Variants in REV3L observed in about 807,000 individuals in gnomAD.
REV3L encodes the protein DNA polymerase zeta catalytic subunit.
A neutral mutation model predicts 299.4 loss-of-function variants in REV3L; 69 were observed. That is an observed-to-expected ratio of 0.23 (90% CI 0.19 to 0.28). The LOEUF is 0.28. Ranked by LOEUF, REV3L falls within the 10% of genes least tolerant of loss-of-function variation. REV3L has a pLI of 1.00. For synonymous variants in REV3L, 1,238 were observed against 1,271.4 expected (o/e 0.97, Z 0.56); for missense variants, 3,128 against 3,693.8 (o/e 0.85, Z 3.97).
Position 111,344,028 on chromosome 6 carries a change from A to C in REV3L, c.7435T>G (p.Tyr2479Asp). The change falls in exon 21 of 32, where the codon TAC (tyrosine) becomes GAC (aspartate). Residue 2479 changes from tyrosine to aspartate, a missense_variant. Transcript: ENST00000368802. ...TGAAAGCTCACATTTTCAAAGGTGT[A>C]GTTAGTTAGAGCCACCTAAAAAAAA... ...IMRNEVALTN[Y>D]TFENVSFHVL... is the part of the protein sequence containing the mutation. 3 of 1,605,622 alleles carry C rather than the reference A, an allele frequency of 1.9e-6. No individual in the cohort carries two copies. The Middle Eastern group carries it at 5.0e-4, about 266-fold the overall frequency.
In REV3L at chr6:111,372,761, G is replaced by A. The variant is rs1779926963; in HGVS notation, c.5594C>T (p.Ser1865Phe). Residue 1865 changes from serine (S) to phenylalanine (F), a missense_variant, in exon 13 of 32, where the codon TCT (serine) becomes TTT (phenylalanine). Physicochemically the swap from Ser to Phe is radical, Grantham distance 155. Coordinates refer to ENST00000368802, the MANE Select transcript of REV3L (RefSeq NM_001372078.1). ...SPRSTSSPSQ[S>F]KNGSFTPRTA... is the part of the protein sequence containing the mutation. The stretch of plus-strand genomic sequence containing the variant: ...TCGAGGGGTGAAGCTGCCATTTTTA[G>A]ATTGTGAAGGAGAGCTAGTAGATCT... 1 of 1,612,420 alleles carries A rather than the reference G, an allele frequency of 6.2e-7. No individual in the cohort carries two copies. The highest frequency in any genetic ancestry group is 1.3e-5 in the African/African-American group (1 of 74,880).
At position 111,367,542 on chromosome 6, in the gene REV3L, CG is replaced by C; in HGVS notation, c.6245del (p.Thr2082ArgfsTer43). 1 of 1,613,150 alleles carries C rather than the reference CG, an allele frequency of 6.2e-7. No individual in the cohort carries two copies. Among genetic ancestry groups the C allele is most frequent in the South Asian group, 1.1e-5 (1 of 91,038 alleles). On this transcript the variant is annotated frameshift_variant, in exon 14 of 32. Transcript: ENST00000368802. LOFTEE classifies it high-confidence loss of function. ...TTTCACTTGCAGTTTGACTACATCCCGTGGTTGGTGCTTGTAAAGCAATCTG... is the reference window on the plus strand; with the variant it reads ...TTTCACTTGCAGTTTGACTACATCCCTGGTTGGTGCTTGTAAAGCAATCTG... ...NSQIALQAPT[T>X]GCSQTASESQ... is the part of the protein sequence containing the mutation.
At chr6:111,334,180 C>A (rs1488562896) in intron 22 of REV3L, among the ~76,000 whole-genome samples, 1 of 152,168 alleles carries the variant, frequency 6.6e-6, no homozygotes, top group South Asian at 2.1e-4. Flanking sequence ...CTCAAGTGAT[C>A]CCCTGCCTTG....
intron 13 of REV3L, 39 bp downstream of exon 13, chr6:111,372,557 A>G (rs755785615): frequency 1.5e-5 from 21 of 1,411,286 alleles, no homozygotes; most frequent in Non-Finnish European, 1.5e-5. Flanking sequence ...ATATATCATA[A>G]TAATTCAGAG....
At chr6:111,398,765 T>A (rs534433756) in intron 4 of REV3L, among the ~76,000 whole-genome samples, 151 of 152,280 alleles carry the variant, frequency 9.9e-4, no homozygotes, top group African/African-American at 3.5e-3. Context: ...AAAAAAATTA[T>A]TCACTGATTT....
chr6:111,299,151 G>GT lies in REV3L; in HGVS notation c.*864dup, dbSNP rs754433444. ...CATAATTCCTTTTTTATTTTACACA[G>GT]TTATACAAATATTCTAAATACACAT... On this transcript the variant is annotated 3_prime_UTR_variant, in exon 32 of 32. Transcript: ENST00000368802. 3.3e-5 allele frequency: 5 copies of GT among 152,370 alleles called. No homozygotes were observed. The highest frequency in any genetic ancestry group is 1.2e-4 in the African/African-American group (5 of 41,446). The allele number at this position is 152,370 out of a possible 1,614,324, so 9.4% of individuals were successfully genotyped here. A position where few individuals can be genotyped will look rare whatever the true frequency, so the allele number is the denominator to read the frequency against.
chr6:111,430,133 A>C, intron 1 of REV3L: 1 of 786,428 alleles, frequency 1.3e-6, no homozygotes. Context: ...AGGCAGAAAA[A>C]GACCTCCAGT....
intron 1 of REV3L, among the ~76,000 whole-genome samples, chr6:111,458,484 A>C (rs1182372300): frequency 1.3e-5 from 2 of 152,170 alleles, no homozygotes; most frequent in Non-Finnish European, 1.5e-5. Context: ...GAAAAGAAGA[A>C]GTCAAACTAT....
intron 3 of REV3L, among the ~76,000 whole-genome samples, chr6:111,411,020 C>CAACCAA (rs1464199109): frequency 6.6e-6 from 1 of 152,096 alleles, no homozygotes; most frequent in Non-Finnish European, 1.5e-5. Flanking sequence ...GAAGAAAAAA[C>CAACCAA]AACCAAAACC....
At chr6:111,322,205 A>T (rs1192925972) in intron 26 of REV3L, among the ~76,000 whole-genome samples, 2 of 152,204 alleles carry the variant, frequency 1.3e-5, no homozygotes, top group Non-Finnish European at 2.9e-5. Flanking sequence ...TTATTTTAAG[A>T]TATACACTTA....
chr6:111,404,086 C>T (rs17539364), intron 4 of REV3L, among the ~76,000 whole-genome samples: 4,339 of 152,200 alleles, frequency 0.029, 74 homozygotes, highest in South Asian at 0.078. Context: ...GCAGTCAATG[C>T]CTGATTTCAA....
At chr6:111,433,022 C>T (rs1250749593) in intron 1 of REV3L, among the ~76,000 whole-genome samples, 1 of 151,940 alleles carries the variant, frequency 6.6e-6, no homozygotes, top group Non-Finnish European at 1.5e-5. Context: ...CACAACATAC[C>T]CAAACCTATG....
At chr6:111,398,450 C>T (rs1265589644) in intron 4 of REV3L, among the ~76,000 whole-genome samples, 3 of 151,986 alleles carry the variant, frequency 2.0e-5, no homozygotes, top group African/African-American at 7.2e-5. Flanking sequence ...AAAATTGTCC[C>T]ATTTACATAC....
intron 30 of REV3L, 46 bp from the exon 31 acceptor site, chr6:111,307,616 C>T: frequency 6.4e-7 from 1 of 1,555,962 alleles, no homozygotes; most frequent in Non-Finnish European, 8.9e-7. Context: ...AGCTTCACAG[C>T]AAAGCTGCTA....
intron 1 of REV3L, among the ~76,000 whole-genome samples, chr6:111,455,686 G>A (rs17510450): frequency 5.3e-5 from 8 of 152,172 alleles, no homozygotes; most frequent in African/African-American, 1.2e-4. Flanking sequence ...CAAACTACAT[G>A]TAAGTGATTG....
At chr6:111,470,594 G>T (rs1165849874) in intron 1 of REV3L, among the ~76,000 whole-genome samples, 2 of 152,150 alleles carry the variant, frequency 1.3e-5, no homozygotes, top group Non-Finnish European at 2.9e-5. Flanking sequence ...TAATAACATG[G>T]CTTCTATTTT....
intron 9 of REV3L, among the ~76,000 whole-genome samples, chr6:111,387,102 T>A (rs1016406876): frequency 1.3e-5 from 2 of 152,170 alleles, no homozygotes; most frequent in Admixed American, 6.5e-5. Flanking sequence ...AAATGTGGTA[T>A]CTCCATACAT....
At chr6:111,303,157 T>TTTTA (rs1771774445) in intron 31 of REV3L, among the ~76,000 whole-genome samples, 1 of 92,974 alleles carries the variant, frequency 1.1e-5, no homozygotes, top group African/African-American at 4.5e-5. Context: ...TGAGGCTTTC[T>TTTTA]TTTCTTTCTT....
intron 21 of REV3L, among the ~76,000 whole-genome samples, chr6:111,337,881 G>C (rs1380174969): frequency 6.6e-6 from 1 of 152,082 alleles, no homozygotes; most frequent in Non-Finnish European, 1.5e-5. Context: ...AGGATGTGTG[G>C]ATTTATCTAT....
Sources: allele counts gnomAD v4.1 joint callset (sites outside exome capture counted in the v4.1 genomes callset), GRCh38; gene constraint gnomAD v4.1.1; transcripts MANE v1.5; gene names NCBI Gene and HGNC (gene_info 2026-07-23, HGNC 2026-07-21).